Variants in DLGAP2 observed in about 807,000 individuals in gnomAD.
DLGAP2 encodes disks large-associated protein 2.
Under a neutral mutation model 100.3 loss-of-function variants are expected in DLGAP2, and 26 were observed. That is an observed-to-expected ratio of 0.26 (90% CI 0.19 to 0.36). The LOEUF is 0.36. Ranked by LOEUF, DLGAP2 falls within the 10% of genes least tolerant of loss-of-function variation. DLGAP2 has a pLI of 1.00. For missense variants in DLGAP2, 1,858 were observed against 1,453.2 expected, an observed-to-expected ratio of 1.28 and a Z score of -4.53; for synonymous variants, 886 against 630.1, an observed-to-expected ratio of 1.41 and a Z score of -6.08.
intron 2 of DLGAP2, among the ~76,000 whole-genome samples, chr8:1,255,767 G>C (rs1799190666): frequency 7.0e-6 from 1 of 143,828 alleles, no homozygotes; most frequent in Admixed American, 7.0e-5. Flanking sequence ...TCCTGCCTGG[G>C]TGCTGTGTGT....
intron 3 of DLGAP2, among the ~76,000 whole-genome samples, chr8:1,360,331 A>T (rs1328190496): frequency 1.3e-5 from 2 of 148,234 alleles, no homozygotes; most frequent in South Asian, 4.4e-4. Context: ...CTTCTCCAGG[A>T]CGGTGCTTTC....
At chr8:1,188,641 A>G (rs6651433) in intron 2 of DLGAP2, among the ~76,000 whole-genome samples, 16,871 of 152,066 alleles carry the variant, frequency 0.11, 2,771 homozygotes, top group African/African-American at 0.36. Flanking sequence ...GCTCCTCCCA[A>G]TAGAACAGCG....
At chr8:1,121,399 C>T (rs964644824) in intron 2 of DLGAP2, among the ~76,000 whole-genome samples, 5 of 151,870 alleles carry the variant, frequency 3.3e-5, no homozygotes, top group African/African-American at 1.2e-4. Context: ...ACCCTGACCA[C>T]CCATCCTCTT....
chr8:1,283,860 G>A lies in DLGAP2; in HGVS notation c.106+24977G>A, dbSNP rs115627081. The stretch of plus-strand genomic sequence containing the variant: ...AGTATGAGAGTAAACTACATCGTTC[G>A]TGGGATACAATCACACATAGCCCTT... On this transcript the variant is annotated intron_variant, in intron 3 of 14. Coordinates refer to ENST00000637795, the MANE Select transcript of DLGAP2 (RefSeq NM_001346810.2). Among the ~76,000 whole-genome samples the A allele has an allele frequency of 2.0e-3, 310 of 152,254 alleles. 3 individuals carry two copies. Among genetic ancestry groups the A allele is most frequent in the African/African-American group, 7.2e-3 (297 of 41,536 alleles).
intron 4 of DLGAP2, among the ~76,000 whole-genome samples, chr8:1,521,190 T>C (rs535412756): frequency 1.2e-3 from 126 of 107,750 alleles, no homozygotes; most frequent in Admixed American, 2.0e-3. Context: ...TGCACACTTG[T>C]TTTAATTTGG....
At chr8:1,587,878 A>T (rs889065003) in intron 6 of DLGAP2, among the ~76,000 whole-genome samples, 2 of 152,148 alleles carry the variant, frequency 1.3e-5, no homozygotes, top group Non-Finnish European at 2.9e-5. Flanking sequence ...ACTTTCCAAA[A>T]CAGTTAAGTC....
At chr8:1,648,365 A>T (rs951085537) in intron 8 of DLGAP2, among the ~76,000 whole-genome samples, 2 of 152,108 alleles carry the variant, frequency 1.3e-5, no homozygotes, top group Admixed American at 1.3e-4. Flanking sequence ...AATTATCTAT[A>T]ACCGACATGT....
At chr8:1,663,729 GCA>G (rs1798473310) in intron 8 of DLGAP2, among the ~76,000 whole-genome samples, 1 of 152,158 alleles carries the variant, frequency 6.6e-6, no homozygotes, top group South Asian at 2.1e-4. Flanking sequence ...AAACTCAACT[GCA>G]GGGAGTGGTA....
chr8:1,149,130 T>A lies in DLGAP2; in HGVS notation c.74-109721T>A, dbSNP rs1486514680. Among the ~76,000 whole-genome samples the A allele has an allele frequency of 8.8e-5, 13 of 147,672 alleles. No individual in the cohort carries two copies. The East Asian group carries it at 2.5e-3, about 29-fold the overall frequency. ...CCTTCCTGAAAAATTCACTATTTTA[T>A]CATTGTGGAATTACCCTCTTTTTTT... On this transcript the variant is annotated intron_variant, in intron 2 of 14. Transcript: ENST00000637795.
intron 1 of DLGAP2, among the ~76,000 whole-genome samples, chr8:897,931 C>T (rs1287913570): frequency 2.6e-5 from 4 of 152,266 alleles, no homozygotes; most frequent in Non-Finnish European, 4.4e-5. Context: ...TTGCTGTGTT[C>T]CCTCCGTTGC....
intron 3 of DLGAP2, among the ~76,000 whole-genome samples, chr8:1,270,199 A>C (rs930224028): frequency 6.6e-6 from 1 of 152,130 alleles, no homozygotes; most frequent in African/African-American, 2.4e-5. Flanking sequence ...TGCTGTGTAC[A>C]GCCAACAGCA....
At chr8:916,159 C>T (rs1374505644) in intron 2 of DLGAP2, among the ~76,000 whole-genome samples, 1 of 152,210 alleles carries the variant, frequency 6.6e-6, no homozygotes, top group Non-Finnish European at 1.5e-5. Flanking sequence ...ACTCTCTTTT[C>T]CTATCCACCC....
chr8:1,575,977 A>G (rs997038483), intron 6 of DLGAP2, among the ~76,000 whole-genome samples: 4 of 152,186 alleles, frequency 2.6e-5, no homozygotes, highest in African/African-American at 7.2e-5. Flanking sequence ...CTTCCGGTAT[A>G]TACCCAGTAA....
At chr8:1,689,589 GGT>G (rs1003471348) in intron 12 of DLGAP2, among the ~76,000 whole-genome samples, 22 of 152,174 alleles carry the variant, frequency 1.4e-4, no homozygotes, top group African/African-American at 5.3e-4. Flanking sequence ...TCAGTTTTAG[GGT>G]GTGTCGTGTA....
At chr8:1,322,406 C>A (rs1800924434) in intron 3 of DLGAP2, among the ~76,000 whole-genome samples, 1 of 152,254 alleles carries the variant, frequency 6.6e-6, no homozygotes, top group Non-Finnish European at 1.5e-5. Context: ...CATGTACCCA[C>A]CCGGCGTGCT....
intron 3 of DLGAP2, among the ~76,000 whole-genome samples, chr8:1,430,027 T>TATATATATATATATATATATATACAC (rs1282725274): frequency 1.2e-4 from 9 of 76,898 alleles, no homozygotes; most frequent in Admixed American, 3.4e-4. Flanking sequence ...TATATATATA[T>TATATATATATATATATATATATACAC]ACACACACAC....
intron 2 of DLGAP2, among the ~76,000 whole-genome samples, chr8:1,143,838 C>G (rs1796561844): frequency 6.6e-6 from 1 of 152,242 alleles, no homozygotes; most frequent in Non-Finnish European, 1.5e-5. Flanking sequence ...CTGACCTGCA[C>G]CTGTGCCCCT....
chr8:1,347,203 G>A (rs1444141522), intron 3 of DLGAP2, among the ~76,000 whole-genome samples: 1 of 151,938 alleles, frequency 6.6e-6, no homozygotes, highest in East Asian at 1.9e-4. Flanking sequence ...CTGTGTGGAG[G>A]TAGAGTTCCT....
At chr8:1,077,542 C>T (rs1230858763) in intron 2 of DLGAP2, among the ~76,000 whole-genome samples, 2 of 152,116 alleles carry the variant, frequency 1.3e-5, no homozygotes, top group Admixed American at 6.5e-5. Flanking sequence ...CCACTGTCTA[C>T]CAGAGGTACT....
Sources: gnomAD v4.1 joint callset for allele counts (sites outside exome capture counted in the v4.1 genomes callset) on GRCh38, gnomAD v4.1.1 for gene constraint, MANE v1.5 for transcripts, NCBI Gene and HGNC (gene_info 2026-07-23, HGNC 2026-07-21) for gene names.